The following SIRPB2 variants were observed in gnomAD, a reference collection of about 807,000 sequenced individuals.
The protein encoded by SIRPB2 is signal regulatory protein beta 2.
In SIRPB2, 18 loss-of-function variants were observed where a neutral mutation model predicts 27.1. The ratio of observed to expected loss-of-function variants is 0.66; its 90% CI spans 0.46 to 0.98. SIRPB2 has a LOEUF of 0.98. Among genes scored for constraint, SIRPB2 ranks in the 50% least tolerant of loss-of-function variants. The pLI, the probability that SIRPB2 is intolerant of heterozygous loss-of-function variation, is 0.00. For synonymous variants in SIRPB2, 150 were observed against 164.6 expected (o/e 0.91, Z 0.68); for missense variants, 420 against 417.4 (o/e 1.01, Z -0.06).
At chr20:1,485,380 C>A (rs1356260222) in intron 1 of SIRPB2, among the ~76,000 whole-genome samples, 1 of 151,248 alleles carries the variant, frequency 6.6e-6, no homozygotes, top group African/African-American at 2.4e-5. Flanking sequence ...TGTTATGTAT[C>A]GATTAAAAAA....
At chr20:1,472,036 C>T (rs1438001865), downstream of SIRPB2, among the ~76,000 whole-genome samples, 2 of 152,124 alleles carry the variant, frequency 1.3e-5, no homozygotes, top group Non-Finnish European at 2.9e-5. Flanking sequence ...AAACGGATGC[C>T]CTGATTCAGG....
At chr20:1,473,605 C>CT (rs145717844), downstream of SIRPB2, among the ~76,000 whole-genome samples, 15,587 of 152,104 alleles carry the variant, frequency 0.1, 924 homozygotes, top group Admixed American at 0.18. Context: ...CCAGAGAGGC[C>CT]TTTAAAGGTA....
intron 1 of SIRPB2, among the ~76,000 whole-genome samples, chr20:1,483,265 C>G (rs1334503629): frequency 2.0e-5 from 3 of 151,426 alleles, no homozygotes; most frequent in African/African-American, 7.4e-5. Flanking sequence ...TGACACTACA[C>G]TTGGCTAATG....
downstream of SIRPB2, among the ~76,000 whole-genome samples, chr20:1,471,694 T>C (rs1351383054): frequency 2.0e-5 from 3 of 152,222 alleles, no homozygotes; most frequent in South Asian, 6.2e-4. Context: ...CTCCTCTCAC[T>C]GCACCCCGAT....
At position 1,478,414 on chromosome 20, in the gene SIRPB2, C is replaced by G; in HGVS notation, c.645G>C (p.Glu215Asp). 6.2e-7 allele frequency: 1 copy of G among 1,614,150 alleles called. No homozygotes were observed. The highest frequency in any genetic ancestry group is 8.5e-7 in the Non-Finnish European group (1 of 1,180,030). ...YNFGGISHPK[E>D]TAVQASNNDF... ...CATTGTTGGAGGCCTGCACCGCTGT[C>G]TCCTTGGGGTGGGAGATGCCTCCAA... Residue 215 changes from glutamate (E) to aspartate (D), a missense_variant, in exon 3 of 5, where the codon GAG becomes GAC. Transcript: ENST00000359801.
At chr20:1,489,770 A>T (rs1421772833) in intron 1 of SIRPB2, among the ~76,000 whole-genome samples, 3 of 151,702 alleles carry the variant, frequency 2.0e-5, no homozygotes, top group African/African-American at 4.9e-5. Flanking sequence ...AGGGGCACTC[A>T]TATTTTTCTC....
rs1484756415 is a variant in SIRPB2 at position 1,479,687 on chromosome 20, G to A, written c.451+13C>T. 6.2e-7 allele frequency: 1 copy of A among 1,612,500 alleles called. No individual in the cohort carries two copies. The highest frequency in any genetic ancestry group is 8.5e-7 in the Non-Finnish European group (1 of 1,179,028). ...CTGGAGCAAATGTGTGGTCTGCAGG[G>A]CCTGATCCTTACCCTTCACAAGCAC... On this transcript the variant is annotated intron_variant, in intron 2 of 4. Transcript: ENST00000359801.
At chr20:1,490,616 C>T (rs964767251) in intron 1 of SIRPB2, among the ~76,000 whole-genome samples, 10 of 152,152 alleles carry the variant, frequency 6.6e-5, no homozygotes, top group Non-Finnish European at 1.0e-4. Context: ...TTGTTAAATT[C>T]TCCTAAGAAA....
Position 1,475,986 on chromosome 20 carries a change from T to G in SIRPB2, c.*181A>C. 1 of 637,698 alleles carries G rather than the reference T, an allele frequency of 1.6e-6. No homozygotes were observed. Among genetic ancestry groups the G allele is most frequent in the African/African-American group, 1.9e-5 (1 of 54,000 alleles). 39.5% of individuals were successfully genotyped at this position (637,698 alleles called of 1,614,324 possible). ...GGCCAAAAAGAGAAAGGGAGACATTTTAGAGGGAAGCCCGGTGCAAAGAAG... is the reference window on the plus strand; with the variant it reads ...GGCCAAAAAGAGAAAGGGAGACATTGTAGAGGGAAGCCCGGTGCAAAGAAG... On this transcript the variant is annotated 3_prime_UTR_variant, in exon 5 of 5. Transcript: ENST00000359801.
downstream of SIRPB2, among the ~76,000 whole-genome samples, chr20:1,472,181 G>C (rs1400043673): frequency 6.6e-6 from 1 of 152,172 alleles, no homozygotes; most frequent in Non-Finnish European, 1.5e-5. Context: ...CATCTCACCT[G>C]TGCAATGCCT....
At chr20:1,473,847 C>G (rs1414814154), downstream of SIRPB2, 2 of 456,236 alleles carry the variant, frequency 4.4e-6, no homozygotes, top group South Asian at 3.1e-5. Flanking sequence ...CTTCCCGTGG[C>G]CGCTGTAACA....
Position 1,479,873 on chromosome 20 carries a change from G to A in SIRPB2, c.278C>T (p.Pro93Leu). 6.2e-7 allele frequency: 1 copy of A among 1,614,232 alleles called. No homozygotes were observed. Among genetic ancestry groups the A allele is most frequent in the Non-Finnish European group, 8.5e-7 (1 of 1,180,038 alleles). Residue 93 changes from proline to leucine, a missense_variant, in exon 2 of 5, where the codon CCT becomes CTT. Pro to Leu is a moderately conservative substitution (Grantham distance 98). Transcript: ENST00000359801. Reference protein sequence around the residue: ...EIYNFKRGSFPGVMPMIQRTS... With the variant: ...EIYNFKRGSFLGVMPMIQRTS... ...CCGTTGGATCATGGGCATTACCCCA[G>A]GGAAGGAGCCACGTTTAAAGTTATA... is the stretch of plus-strand genomic sequence containing the variant.
In SIRPB2 at chr20:1,475,049, C is replaced by G. The variant is rs886070931; in HGVS notation, c.*1118G>C. The G allele has an allele frequency of 6.6e-6, 1 of 150,610 alleles. No homozygotes were observed. Among genetic ancestry groups the G allele is most frequent in the Non-Finnish European group, 1.5e-5 (1 of 67,986 alleles). 9.3% of individuals were successfully genotyped at this position (150,610 alleles called of 1,614,324 possible). A position where few individuals can be genotyped will look rare whatever the true frequency, so the allele number is the denominator to read the frequency against. ...CACACTCTTCCCCATGTCAGGGCTT[C>G]TCAGTCCACTAGATGGTGGTAGCAC... On this transcript the variant is annotated 3_prime_UTR_variant, in exon 5 of 5. Transcript: ENST00000359801.
Position 1,476,181 on chromosome 20 carries a change from T to C in SIRPB2, c.1015A>G (p.Lys339Glu). Residue 339 changes from lysine (K) to glutamate (E), a missense_variant, in exon 5 of 5, where the codon AAG becomes GAG. Physicochemically the swap from Lys to Glu is moderately conservative, Grantham distance 56. Coordinates refer to ENST00000359801, the MANE Select transcript of SIRPB2 (RefSeq NM_001122962.2). ...AGAMNTLAWS[K>E]GQE Reference sequence around the variant, plus strand: ...GGGCTGACCCCTCACTCTTGACCCTTGCTCCATGCTAAGGTGTTCATGGCT... The same window carrying C: ...GGGCTGACCCCTCACTCTTGACCCTCGCTCCATGCTAAGGTGTTCATGGCT... 6.2e-7 allele frequency: 1 copy of C among 1,613,910 alleles called. No homozygotes were observed. The highest frequency in any genetic ancestry group is 8.5e-7 in the Non-Finnish European group (1 of 1,179,928).
chr20:1,479,662 C>A, intron 2 of SIRPB2, 38 bp downstream of exon 2: 5 of 1,601,324 alleles, frequency 3.1e-6, no homozygotes, highest in Non-Finnish European at 4.3e-6. Context: ...GGGAAACAGA[C>A]TGGAGCAAAT....
rs769689010 is a variant in SIRPB2, at chr20:1,479,833, C to T, written c.318G>A (p.Leu106=). Residue 106 remains leucine, a synonymous_variant, in exon 2 of 5, where the codon CTG becomes CTA. Coordinates refer to ENST00000359801, the MANE Select transcript of SIRPB2 (RefSeq NM_001122962.2). ...MPMIQRTSEP[L]NCDYSIYIHN... is the part of the protein sequence containing the mutation. ...GGATATAGATGGAATAATCACAATT[C>T]AGTGGTTCTGATGTCCGTTGGATCA... 1 of 1,614,244 alleles carries T rather than the reference C, an allele frequency of 6.2e-7. No individual in the cohort carries two copies. The highest frequency in any genetic ancestry group is 8.5e-7 in the Non-Finnish European group (1 of 1,180,048).
chr20:1,486,076 C>CTTT (rs200298743), intron 1 of SIRPB2, among the ~76,000 whole-genome samples: 154 of 141,548 alleles, frequency 1.1e-3, no homozygotes, highest in African/African-American at 3.8e-3. Context: ...CTTTTCTTTT[C>CTTT]TTTTTTTTTT....
chr20:1,477,608 T>A (rs1455292864), intron 3 of SIRPB2, among the ~76,000 whole-genome samples: 1 of 152,242 alleles, frequency 6.6e-6, no homozygotes, highest in Non-Finnish European at 1.5e-5. Context: ...TTCATTGCAG[T>A]GTCTGCAGTA....
chr20:1,474,111 T>C (rs1280077409), downstream of SIRPB2, among the ~76,000 whole-genome samples: 7 of 152,216 alleles, frequency 4.6e-5, no homozygotes. Flanking sequence ...GTGTCTCTCT[T>C]GTAAGGATAC....
Sources: allele counts gnomAD v4.1 joint callset (sites outside exome capture counted in the v4.1 genomes callset), GRCh38; gene constraint gnomAD v4.1.1; transcripts MANE v1.5; gene names NCBI Gene and HGNC (gene_info 2026-07-23, HGNC 2026-07-21).